BCAS3: variants seen among roughly 807,000 people sequenced by gnomAD.
The protein encoded by BCAS3 is BCAS4/BCAS3 fusion.
A neutral mutation model predicts 116.1 loss-of-function variants in BCAS3; 53 were observed. The observed-to-expected ratio is 0.46, with a 90% CI of 0.37 to 0.57. BCAS3 has a LOEUF of 0.57. Ranked by LOEUF, BCAS3 falls within the 20% of genes least tolerant of loss-of-function variation. BCAS3 has a pLI of 0.00. For synonymous variants in BCAS3, 391 were observed against 408.2 expected, an observed-to-expected ratio of 0.96 and a Z score of 0.51; for missense variants, 917 against 1,165.4, an observed-to-expected ratio of 0.79 and a Z score of 3.10.
chr17:61,034,687 A>C lies in BCAS3; in HGVS notation c.1659A>C (p.Gln553His), dbSNP rs1041508116. The change falls in exon 17 of 24, where the codon CAA becomes CAC. Residue 553 changes from glutamine to histidine, a missense_variant. Gln to His is a conservative substitution (Grantham distance 24, BLOSUM62 0). This residue lies in a region of BCAS3 where 807 missense variants were observed against 1,026.0 expected (regional missense o/e 0.79). Transcript: ENST00000407086. This position sits in a 1 kb window ranked among gnomAD's most constrained non-coding sequence, Gnocchi z 5.0. ...KRTGKVKPPP[Q>H]ISPSKSMGGE... ...TAAGCAAAGTTAAACCTCCTCCACA[A>C]ATTTCACCCAGCAAATCGATGGGCG... 6.2e-7 allele frequency: 1 copy of C among 1,609,732 alleles called. No individual in the cohort carries two copies. Among genetic ancestry groups the C allele is most frequent in the Admixed American group, 1.7e-5 (1 of 59,622 alleles).
At chr17:60,843,347 G>A (rs149675747) in intron 7 of BCAS3, among the ~76,000 whole-genome samples, 3,836 of 151,802 alleles carry the variant, frequency 0.025, 189 homozygotes, top group African/African-American at 0.088. Flanking sequence ...CTCCCGAGTA[G>A]CTGGGATTAC....
In BCAS3 at chr17:61,244,175, GAAAAA is replaced by G; in HGVS notation, c.2426-124150_2426-124146del. ...CATATTTATTATTTAAAAAGCTTAA[GAAAAA>G]ACAGAAGAAAAAAGAAAACTAAAAT... On this transcript the variant is annotated intron_variant, in intron 22 of 23. Transcript: ENST00000407086. This position sits in a 1 kb window ranked among gnomAD's most constrained non-coding sequence, Gnocchi z 4.9. 6.6e-6 allele frequency among the ~76,000 whole-genome samples: 1 copy of G among 151,954 alleles called. No homozygotes were observed. Among genetic ancestry groups the G allele is most frequent in the African/African-American group, 2.4e-5 (1 of 41,454 alleles).
At chr17:60,683,793 C>T (rs1417041423) in intron 2 of BCAS3, among the ~76,000 whole-genome samples, 189 bp from the exon 3 acceptor site, 2 of 151,864 alleles carry the variant, frequency 1.3e-5, no homozygotes, top group Non-Finnish European at 2.9e-5. Flanking sequence ...GATCGCACCA[C>T]TACACTCCAG....
intron 12 of BCAS3, among the ~76,000 whole-genome samples, chr17:60,915,015 T>C (rs2058707094): frequency 6.6e-6 from 1 of 152,158 alleles, no homozygotes; most frequent in African/African-American, 2.4e-5. Flanking sequence ...TACCCATAAC[T>C]TCACTTGTTA....
At position 60,972,224 on chromosome 17, in the gene BCAS3, G is replaced by A. The variant is rs929000240; in HGVS notation, c.1222-17747G>A. Among the ~76,000 whole-genome samples, 8 of 152,126 alleles carry A rather than the reference G, an allele frequency of 5.3e-5. No individual in the cohort carries two copies. In the South Asian group the frequency reaches 1.7e-3, roughly 32 times the overall value. ...TATATTCACCAACATAAGTCAAAAT[G>A]ATAGTACATTGAATCGGACTAAAGG... On this transcript the variant is annotated intron_variant, in intron 14 of 23. Transcript: ENST00000407086.
In BCAS3 at chr17:61,388,602, C is replaced by T. The variant is rs762697249; in HGVS notation, c.2594-3375C>T. On this transcript the variant is annotated intron_variant, in intron 23 of 23. Transcript: ENST00000407086. This position sits in a 1 kb window ranked among gnomAD's most constrained non-coding sequence, Gnocchi z 6.5. ...TCTTTTCCAAAAAGATTCCTCAATGCTTTTCTTTTCAAAAGGGAAAAAAAA... is the reference window on the plus strand; with the variant it reads ...TCTTTTCCAAAAAGATTCCTCAATGTTTTTCTTTTCAAAAGGGAAAAAAAA... 1 of 1,531,194 alleles carries T rather than the reference C, an allele frequency of 6.5e-7. No homozygotes were observed. The allele number at this position is 1,531,194 out of a possible 1,614,324, so 94.9% of individuals were successfully genotyped here.
In BCAS3 at chr17:61,128,353, A is replaced by G. The variant is rs2143850487; in HGVS notation, c.2425+43789A>G. 1.0e-6 allele frequency: 1 copy of G among 985,364 alleles called. No homozygotes were observed. The highest frequency in any genetic ancestry group is 1.7e-5 in the African/African-American group (1 of 57,336). The allele number at this position is 985,364 out of a possible 1,614,324, so 61.0% of individuals were successfully genotyped here. ...AGAGCTCCATTCCAGTTCCTTTCTT[A>G]TTTGTTTGATGTACAGGCTTATTTA... On this transcript the variant is annotated intron_variant, in intron 22 of 23. Coordinates refer to ENST00000407086, the MANE Select transcript of BCAS3 (RefSeq NM_017679.5). This position sits in a 1 kb window ranked among gnomAD's most constrained non-coding sequence, Gnocchi z 4.1.
intron 7 of BCAS3, chr17:60,810,928 C>T: frequency 2.9e-6 from 2 of 692,568 alleles, no homozygotes; most frequent in Non-Finnish European, 5.3e-6. Flanking sequence ...CATCTGGGCC[C>T]AATATGACGA....
intron 7 of BCAS3, among the ~76,000 whole-genome samples, chr17:60,840,494 T>G (rs1489575881): frequency 1.3e-5 from 2 of 152,212 alleles, no homozygotes; most frequent in African/African-American, 4.8e-5. Flanking sequence ...TTGTTGATCC[T>G]ATGATATAAA....
At chr17:60,875,543 T>G (rs1456961412) in intron 9 of BCAS3, among the ~76,000 whole-genome samples, 1 of 152,044 alleles carries the variant, frequency 6.6e-6, no homozygotes, top group Admixed American at 6.6e-5. Context: ...GAGAAAAGAG[T>G]GAAAAAACCT....
rs1417073505 is a variant in BCAS3 at position 61,390,620 on chromosome 17, AGGCCTGCAGGGAGTCG to A, written c.2594-1354_2594-1339del. 13 of 152,050 alleles carry A rather than the reference AGGCCTGCAGGGAGTCG, an allele frequency of 8.5e-5. No homozygotes were observed. The highest frequency in any genetic ancestry group is 2.9e-4 in the African/African-American group (12 of 41,452). 9.4% of individuals were successfully genotyped at this position (152,050 alleles called of 1,614,324 possible). On this transcript the variant is annotated intron_variant, in intron 23 of 23. Transcript: ENST00000407086. The surrounding 1 kb of genome is among the most constrained non-coding windows in gnomAD (Gnocchi z 6.8). ...CCCCACTCCACTCTGTGGCTGCTGC[AGGCCTGCAGGGAGTCG>A]GGGTCAGTGGTTCGTTGCTGGCTGG...
chr17:60,803,729 T>A (rs1224594496), intron 6 of BCAS3, among the ~76,000 whole-genome samples: 2 of 151,824 alleles, frequency 1.3e-5, no homozygotes, highest in Non-Finnish European at 2.9e-5. Context: ...AAGCACAAAG[T>A]ATATAATGAA....
In BCAS3 at chr17:61,317,636, C is replaced by T. The variant is rs571157251; in HGVS notation, c.2426-50691C>T. Reference sequence around the variant, plus strand: ...CATCAGGGGCAACTGGCAGTGAGGCCTCAATAGCACCTTGAGAATTCAGCG... The same window carrying T: ...CATCAGGGGCAACTGGCAGTGAGGCTTCAATAGCACCTTGAGAATTCAGCG... On this transcript the variant is annotated intron_variant, in intron 22 of 23. Coordinates refer to ENST00000407086, the MANE Select transcript of BCAS3 (RefSeq NM_017679.5). 6.8e-4 allele frequency among the ~76,000 whole-genome samples: 104 copies of T among 152,300 alleles called. 1 individual carries two copies. Among genetic ancestry groups the T allele is most frequent in the African/African-American group, 2.4e-3 (99 of 41,562 alleles).
Position 61,251,946 on chromosome 17 carries a change from G to A in BCAS3, c.2426-116381G>A, listed in dbSNP as rs1049309798. ...AGCTTGATCTCAAGGAACTTTACACGGGTGGCAGTTTAGAAGAAAAAGAGA... is the reference window on the plus strand; with the variant it reads ...AGCTTGATCTCAAGGAACTTTACACAGGTGGCAGTTTAGAAGAAAAAGAGA... On this transcript the variant is annotated intron_variant, in intron 22 of 23. Transcript: ENST00000407086. This position sits in a 1 kb window ranked among gnomAD's most constrained non-coding sequence, Gnocchi z 4.7. 3.3e-5 allele frequency among the ~76,000 whole-genome samples: 5 copies of A among 152,020 alleles called. No individual in the cohort carries two copies. The highest frequency in any genetic ancestry group is 7.4e-5 in the Non-Finnish European group (5 of 68,012).
chr17:61,329,543 G>A (rs1460618543), intron 22 of BCAS3, among the ~76,000 whole-genome samples: 2 of 151,676 alleles, frequency 1.3e-5, no homozygotes, highest in Non-Finnish European at 2.9e-5. Context: ...GGGTTTCACC[G>A]TGTTAGCCAG....
rs768217663 is a variant in BCAS3 at position 61,019,938 on chromosome 17, C to T, written c.1637+4037C>T. Among the ~76,000 whole-genome samples, 9 of 152,078 alleles carry T rather than the reference C, an allele frequency of 5.9e-5. No individual in the cohort carries two copies. Among genetic ancestry groups the T allele is most frequent in the Non-Finnish European group, 1.3e-4 (9 of 68,026 alleles). On this transcript the variant is annotated intron_variant, in intron 16 of 23. Coordinates refer to ENST00000407086, the MANE Select transcript of BCAS3 (RefSeq NM_017679.5). This position sits in a 1 kb window ranked among gnomAD's most constrained non-coding sequence, Gnocchi z 5.6. ...AATAAAATCAACAAGAAGTATTTGA[C>T]ATGGATTATGTAGAAAGAGAACACA...
rs546486854 is a variant in BCAS3, at chr17:61,392,187, C to T, written c.*62C>T. 2.8e-5 allele frequency: 43 copies of T among 1,553,530 alleles called. No homozygotes were observed. The highest frequency in any genetic ancestry group is 1.8e-4 in the Admixed American group (10 of 55,098). ...CCCTGCTGGAGGAGGGGAGAAGCCC[C>T]GCTCTGGTCCTACCCTTCAGTCTCT... On this transcript the variant is annotated 3_prime_UTR_variant, in exon 24 of 24. Coordinates refer to ENST00000407086, the MANE Select transcript of BCAS3 (RefSeq NM_017679.5). The surrounding 1 kb of genome is among the most constrained non-coding windows in gnomAD (Gnocchi z 6.4).
chr17:60,862,464 A>T (rs1443882377), intron 7 of BCAS3, among the ~76,000 whole-genome samples: 1 of 152,166 alleles, frequency 6.6e-6, no homozygotes, highest in East Asian at 1.9e-4. Context: ...GGTAGGTTTT[A>T]AAAAATGACA....
intron 16 of BCAS3, among the ~76,000 whole-genome samples, chr17:61,033,473 T>G (rs2066794414): frequency 1.3e-5 from 2 of 152,182 alleles, no homozygotes; most frequent in Non-Finnish European, 2.9e-5. Context: ...TTACATAACT[T>G]AACCAAAAGT....
Sources: allele counts gnomAD v4.1 joint callset (sites outside exome capture counted in the v4.1 genomes callset), GRCh38; gene constraint gnomAD v4.1.1; regional missense constraint gnomAD v4.1.1; non-coding constraint Gnocchi (gnomAD v3.1); transcripts MANE v1.5; gene names NCBI Gene and HGNC (gene_info 2026-07-23, HGNC 2026-07-21).